AUH: variants seen among roughly 807,000 people sequenced by gnomAD.
AUH encodes the protein methylglutaconyl-CoA hydratase, mitochondrial.
In AUH, 29 loss-of-function variants were observed where a neutral mutation model predicts 42.3. The observed-to-expected ratio is 0.69, with a 90% CI of 0.51 to 0.93. The LOEUF (loss-of-function observed/expected upper bound fraction) is 0.93, where lower values mean the gene tolerates loss of function less well. Among genes scored for constraint, AUH ranks in the 40% least tolerant of loss-of-function variants. AUH has a pLI of 0.00. For missense variants in AUH, 452 were observed against 438.1 expected (o/e 1.03, Z -0.28); for synonymous variants, 174 against 166.4 (o/e 1.05, Z -0.35).
chr9:91,274,244 T>C lies in AUH; in HGVS notation c.655+21777A>G, dbSNP rs1825374442. Among the ~76,000 whole-genome samples the C allele has an allele frequency of 2.0e-5, 3 of 152,360 alleles. No homozygotes were observed. In the South Asian group the frequency reaches 6.2e-4, roughly 32 times the overall value. ...ATATAGAGAAAATCATTTTATTTCA[T>C]TTAACAAATATTTACTAAGCACCTA... On this transcript the variant is annotated intron_variant, in intron 6 of 9. Coordinates refer to ENST00000375731, the MANE Select transcript of AUH (RefSeq NM_001698.3).
At chr9:91,306,940 A>G (rs1202734431) in intron 4 of AUH, among the ~76,000 whole-genome samples, 1 of 152,190 alleles carries the variant, frequency 6.6e-6, no homozygotes, top group Non-Finnish European at 1.5e-5. Context: ...ATGGAATACT[A>G]CTCATCAATA....
chr9:91,259,114 G>A (rs1829565215), intron 6 of AUH, among the ~76,000 whole-genome samples: 1 of 152,044 alleles, frequency 6.6e-6, no homozygotes, highest in African/African-American at 2.4e-5. Context: ...TCCTTAAATG[G>A]CTGACTGAAC....
Position 91,297,501 on chromosome 9 carries a change from C to T in AUH, c.598+483G>A, listed in dbSNP as rs992005868. Among the ~76,000 whole-genome samples, 8 of 152,302 alleles carry T rather than the reference C, an allele frequency of 5.3e-5. No homozygotes were observed. In the East Asian group the frequency reaches 1.5e-3, roughly 29 times the overall value. ...CAGATTAATTGCTTAATCTTCACAA[C>T]AGCAACAGTCATTTCCCCCATTTCC... On this transcript the variant is annotated intron_variant, in intron 5 of 9. Transcript: ENST00000375731.
At position 91,218,781 on chromosome 9, in the gene AUH, C is replaced by T. The variant is rs75017738; in HGVS notation, c.844-1454G>A. On this transcript the variant is annotated intron_variant, in intron 7 of 9. Coordinates refer to ENST00000375731, the MANE Select transcript of AUH (RefSeq NM_001698.3). Reference sequence around the variant, plus strand: ...ATATCACCTAGAAATACTGATTTTACAAAAGCTTTCAGTTATCTGGAGGAC... The same window carrying T: ...ATATCACCTAGAAATACTGATTTTATAAAAGCTTTCAGTTATCTGGAGGAC... 4.8e-3 allele frequency: 4,717 copies of T among 984,730 alleles called. 151 individuals are homozygous for T. The African/African-American group carries it at 0.076, about 16-fold the overall frequency. 61.0% of individuals were successfully genotyped at this position (984,730 alleles called of 1,614,324 possible). A position where few individuals can be genotyped will look rare whatever the true frequency, so the allele number is the denominator to read the frequency against.
chr9:91,315,920 AG>A (rs1466949081), intron 4 of AUH, among the ~76,000 whole-genome samples: 2 of 152,224 alleles, frequency 1.3e-5, no homozygotes, highest in African/African-American at 4.8e-5. Context: ...CAAACTGTTT[AG>A]CTTTGAATGC....
intron 4 of AUH, among the ~76,000 whole-genome samples, chr9:91,316,679 C>G (rs1488960011): frequency 6.6e-6 from 1 of 152,192 alleles, no homozygotes. Context: ...TCCTCTACCT[C>G]TGTGTGAAAT....
chr9:91,234,978 C>T (rs1310437273), intron 6 of AUH, among the ~76,000 whole-genome samples: 1 of 151,372 alleles, frequency 6.6e-6, no homozygotes. Context: ...TCAGCTGGTA[C>T]AAAGATGTAA....
At chr9:91,235,862 G>A (rs1342565498) in intron 6 of AUH, among the ~76,000 whole-genome samples, 1 of 152,112 alleles carries the variant, frequency 6.6e-6, no homozygotes, top group Non-Finnish European at 1.5e-5. Flanking sequence ...TTAGAGCTAT[G>A]GCAGCCACCT....
At chr9:91,261,563 C>CCAACTCAAGGTCACCCTCGT (rs1219835622) in intron 6 of AUH, among the ~76,000 whole-genome samples, 1 of 152,208 alleles carries the variant, frequency 6.6e-6, no homozygotes, top group Admixed American at 6.5e-5. Flanking sequence ...CAATCACCAA[C>CCAACTCAAGGTCACCCTCGT]CAACTCAAGG....
intron 4 of AUH, 37 bp from the exon 5 acceptor site, chr9:91,298,113 G>A (rs1455111334): frequency 6.8e-7 from 1 of 1,463,718 alleles, no homozygotes; most frequent in South Asian, 1.1e-5. Flanking sequence ...TCCTTAATAA[G>A]ATTATTATCT....
At chr9:91,245,584 G>A (rs1353674592) in intron 6 of AUH, among the ~76,000 whole-genome samples, 2 of 152,214 alleles carry the variant, frequency 1.3e-5, no homozygotes, top group African/African-American at 4.8e-5. Flanking sequence ...GGACCAAGAT[G>A]ACTGAGTAGG....
chr9:91,286,264 T>A (rs927670983), intron 6 of AUH, among the ~76,000 whole-genome samples: 5 of 152,096 alleles, frequency 3.3e-5, no homozygotes, highest in African/African-American at 1.2e-4. Flanking sequence ...CAGGAAAACA[T>A]GCCAAAAGAC....
rs1158184992 is a variant in AUH at position 91,213,849 on chromosome 9, TTAGG to T, written c.*495_*498del. The stretch of plus-strand genomic sequence containing the variant: ...TTTCTTTTCACTAATTTTATTTATA[TTAGG>T]TAGTTTTCACTCAGAATATCAATTC... On this transcript the variant is annotated 3_prime_UTR_variant, in exon 10 of 10. Transcript: ENST00000375731. The T allele has an allele frequency of 6.5e-6, 1 of 153,226 alleles. No homozygotes were observed. The highest frequency in any genetic ancestry group is 1.5e-5 in the Non-Finnish European group (1 of 68,542). 9.5% of individuals were successfully genotyped at this position (153,226 alleles called of 1,614,324 possible). A position where few individuals can be genotyped will look rare whatever the true frequency, so the allele number is the denominator to read the frequency against.
intron 6 of AUH, among the ~76,000 whole-genome samples, chr9:91,231,829 A>G (rs1296845426): frequency 6.6e-6 from 1 of 152,130 alleles, no homozygotes; most frequent in East Asian, 1.9e-4. Context: ...CGACATCAGC[A>G]AGTAACACAT....
intron 6 of AUH, among the ~76,000 whole-genome samples, chr9:91,256,939 A>C (rs1829433366): frequency 6.6e-6 from 1 of 152,066 alleles, no homozygotes; most frequent in African/African-American, 2.4e-5. Context: ...GGCTTAAAAA[A>C]CATCAAAGCT....
intron 3 of AUH, among the ~76,000 whole-genome samples, chr9:91,334,632 T>G (rs1355282957): frequency 6.6e-6 from 1 of 152,224 alleles, no homozygotes; most frequent in Non-Finnish European, 1.5e-5. Context: ...ATAAATCTTT[T>G]ATATTTCTAT....
intron 3 of AUH, among the ~76,000 whole-genome samples, chr9:91,348,037 A>C (rs551000329): frequency 3.6e-4 from 55 of 151,334 alleles, no homozygotes; most frequent in Admixed American, 2.0e-3. Context: ...AAAACTTACC[A>C]AGTATAACAG....
chr9:91,307,977 G>A (rs1435203802), intron 4 of AUH, among the ~76,000 whole-genome samples: 1 of 152,096 alleles, frequency 6.6e-6, no homozygotes, highest in Admixed American at 6.6e-5. Context: ...AAGAAACAGT[G>A]GATCAAATAC....
At chr9:91,286,391 C>A (rs933946146) in intron 6 of AUH, among the ~76,000 whole-genome samples, 1 of 152,048 alleles carries the variant, frequency 6.6e-6, no homozygotes, top group African/African-American at 2.4e-5. Context: ...TTCCATGAAA[C>A]CTCTGTGCTC....
Sources: allele counts gnomAD v4.1 joint callset (sites outside exome capture counted in the v4.1 genomes callset), GRCh38; gene constraint gnomAD v4.1.1; transcripts MANE v1.5; gene names NCBI Gene and HGNC (gene_info 2026-07-23, HGNC 2026-07-21).